The following LTN1 variants were observed in gnomAD, a reference collection of about 807,000 sequenced individuals.
LTN1 encodes the protein E3 ubiquitin-protein ligase listerin.
Under a neutral mutation model 201.2 loss-of-function variants are expected in LTN1, and 88 were observed. The ratio of observed to expected loss-of-function variants is 0.44; its 90% CI spans 0.37 to 0.52. LTN1 has a LOEUF of 0.52. Ranked by LOEUF, LTN1 falls within the 20% of genes least tolerant of loss-of-function variation. LTN1 has a pLI of 0.00. For synonymous variants in LTN1, 645 were observed against 713.5 expected (o/e 0.90, Z 1.53); for missense variants, 1,752 against 2,038.7 (o/e 0.86, Z 2.71).
intron 3 of LTN1, among the ~76,000 whole-genome samples, chr21:28,985,368 G>T (rs1397536282): frequency 2.0e-5 from 3 of 151,802 alleles, no homozygotes. Flanking sequence ...GGCTAAGGCA[G>T]GAGAATCACT....
intron 5 of LTN1, 73 bp downstream of exon 5, chr21:28,982,243 C>A: frequency 7.7e-7 from 1 of 1,294,900 alleles, no homozygotes. Flanking sequence ...CAAAAAGTCA[C>A]ATTGAAATCA....
At chr21:28,973,165 T>G (rs892966530) in intron 6 of LTN1, among the ~76,000 whole-genome samples, 1 of 151,636 alleles carries the variant, frequency 6.6e-6, no homozygotes, top group Non-Finnish European at 1.5e-5. Flanking sequence ...GTGGCCAACA[T>G]AGCAAAACCC....
chr21:28,943,732 T>C lies in LTN1; in HGVS notation c.4155A>G (p.Thr1385=), dbSNP rs559308402. 77 of 1,613,882 alleles carry C rather than the reference T, an allele frequency of 4.8e-5. 1 individual carries two copies. In the South Asian group the frequency reaches 6.5e-4, roughly 14 times the overall value. Residue 1385 remains threonine, a synonymous_variant, in exon 23 of 30, where the codon ACA becomes ACG. Transcript: ENST00000361371. ...LPEYLQTLLN[T]LAPLLLFRAR... is the part of the protein sequence containing the mutation. ...CTCTGAAGAGGAGTAATGGGGCCAA[T>C]GTATTTAACAAAGTCTGGAGATATT...
At chr21:28,944,321 T>C in intron 22 of LTN1, 62 bp downstream of exon 22, 2 of 1,377,608 alleles carry the variant, frequency 1.5e-6, no homozygotes, top group Non-Finnish European at 1.0e-6. Flanking sequence ...TTTTTGCTTT[T>C]GAATTTTTCA....
At chr21:28,957,013 T>A in intron 15 of LTN1, 65 bp from the exon 16 acceptor site, 1 of 1,017,794 alleles carries the variant, frequency 9.8e-7, no homozygotes. Flanking sequence ...TGAACAAAAA[T>A]GAAGTTGTGA....
intron 11 of LTN1, chr21:28,961,598 T>C (rs1010792725): frequency 1.3e-5 from 2 of 155,306 alleles, no homozygotes; most frequent in Non-Finnish European, 2.9e-5. Context: ...TCCTTTTATT[T>C]AAAAATTGTA....
intron 16 of LTN1, among the ~76,000 whole-genome samples, chr21:28,955,136 T>C (rs2084414090): frequency 6.6e-6 from 1 of 151,832 alleles, no homozygotes; most frequent in South Asian, 2.1e-4. Context: ...ATCAGGGAAA[T>C]GCAAATCAAA....
rs1601201152 is a variant in LTN1, at chr21:28,970,676, C to A, written c.1051G>T (p.Gly351Cys). Residue 351 changes from glycine to cysteine, a missense_variant, in exon 8 of 30, where the codon GGT (glycine) becomes TGT (cysteine). Gly to Cys is a radical substitution (Grantham distance 159). This residue lies in a region of LTN1 where 1,211 missense variants were observed against 1,312.8 expected (regional missense o/e 0.92). Transcript: ENST00000361371. Reference sequence around the variant, plus strand: ...ATGACAGTAGCTAGACCCCGACCACCTTCACGAATCACAGTTGATAGCTTG... The same window carrying A: ...ATGACAGTAGCTAGACCCCGACCACATTCACGAATCACAGTTGATAGCTTG... ...FPKLSTVIREGGRGLATVIYP... is the reference protein window; with the variant it reads ...FPKLSTVIRECGRGLATVIYP... 6.2e-7 allele frequency: 1 copy of A among 1,614,026 alleles called. No individual in the cohort carries two copies. The highest frequency in any genetic ancestry group is 1.7e-4 in the Middle Eastern group (1 of 6,060).
intron 14 of LTN1, 131 bp from the exon 15 acceptor site, chr21:28,957,607 G>A (rs774375982): frequency 1.2e-5 from 6 of 503,772 alleles, no homozygotes; most frequent in Non-Finnish European, 1.3e-5. Flanking sequence ...AGAGGTAAGT[G>A]ACATTCCCCC....
intron 4 of LTN1, among the ~76,000 whole-genome samples, chr21:28,984,244 T>C (rs2084679951): frequency 6.6e-6 from 1 of 152,044 alleles, no homozygotes; most frequent in South Asian, 2.1e-4. Flanking sequence ...AAAATCCAAA[T>C]GTATATTAAT....
intron 11 of LTN1, among the ~76,000 whole-genome samples, chr21:28,962,450 A>C (rs1015215107): frequency 6.6e-6 from 1 of 152,182 alleles, no homozygotes; most frequent in Non-Finnish European, 1.5e-5. Context: ...GCAATCAGTG[A>C]CTTTTGATGT....
At position 28,958,408 on chromosome 21, in the gene LTN1, C is replaced by T. The variant is rs1205942848; in HGVS notation, c.2725G>A (p.Ala909Thr). ...TACCTGTTGATATCCAAAGATGAAG[C>T]CTGAACTTGGTTCTTCAGCCACAGA... ...SALWLKNQVQ[A>T]SSLDINSLQV... is the part of the protein sequence containing the mutation. Residue 909 changes from alanine (A) to threonine (T), a missense_variant, in exon 14 of 30, where the codon GCT becomes ACT. Transcript: ENST00000361371. The T allele has an allele frequency of 1.6e-5, 25 of 1,604,896 alleles. No homozygotes were observed. Among genetic ancestry groups the T allele is most frequent in the Non-Finnish European group, 2.0e-5 (24 of 1,177,382 alleles).
intron 18 of LTN1, among the ~76,000 whole-genome samples, chr21:28,949,816 GAGA>G (rs56692452): frequency 0.025 from 3,739 of 152,122 alleles, 157 homozygotes; most frequent in African/African-American, 0.085. Flanking sequence ...AAATGTAAAG[GAGA>G]AGGTCTCAGT....
chr21:28,930,862 G>A (rs1034398536), intron 29 of LTN1, among the ~76,000 whole-genome samples: 1 of 152,144 alleles, frequency 6.6e-6, no homozygotes, highest in East Asian at 1.9e-4. Context: ...CTCCTTCATG[G>A]TCTAGATCTC....
rs370455639 is a variant in LTN1, at chr21:28,956,968, T to C, written c.2893-20A>G. ...TAACCACTGTGAAAAGAATACGTTA[T>C]ATACAAAATTATTTATTACCTAAGC... On this transcript the variant is annotated intron_variant, in intron 15 of 29. Coordinates refer to ENST00000361371, the MANE Select transcript of LTN1 (RefSeq NM_015565.3). 2.1e-5 allele frequency: 30 copies of C among 1,431,646 alleles called. No homozygotes were observed. In the African/African-American group the frequency reaches 3.4e-4, roughly 16 times the overall value. 88.7% of individuals were successfully genotyped at this position (1,431,646 alleles called of 1,614,324 possible). A position where few individuals can be genotyped will look rare whatever the true frequency, so the allele number is the denominator to read the frequency against.
chr21:28,960,255 T>A (rs1407479793), intron 12 of LTN1, among the ~76,000 whole-genome samples: 3 of 151,214 alleles, frequency 2.0e-5, no homozygotes, highest in Non-Finnish European at 2.9e-5. Flanking sequence ...TAGTCCCAAC[T>A]ACTTGGGAAG....
chr21:28,943,609 G>T, intron 23 of LTN1, 58 bp downstream of exon 23: 2 of 1,253,334 alleles, frequency 1.6e-6, no homozygotes, highest in Non-Finnish European at 1.2e-6. Flanking sequence ...TAAAAACTAA[G>T]CATATATTCT....
intron 29 of LTN1, among the ~76,000 whole-genome samples, 188 bp from the exon 30 acceptor site, chr21:28,930,698 C>T (rs778985771): frequency 6.6e-6 from 1 of 152,216 alleles, no homozygotes; most frequent in Non-Finnish European, 1.5e-5. Flanking sequence ...GATGGCTACA[C>T]TAAGTTCTTC....
intron 27 of LTN1, among the ~76,000 whole-genome samples, chr21:28,934,854 A>C (rs1032587627): frequency 3.9e-5 from 6 of 152,218 alleles, no homozygotes; most frequent in Non-Finnish European, 7.3e-5. Context: ...CCACTGTTTC[A>C]ATCCACGCAT....
Sources: allele counts gnomAD v4.1 joint callset (sites outside exome capture counted in the v4.1 genomes callset), GRCh38; gene constraint gnomAD v4.1.1; regional missense constraint gnomAD v4.1.1; transcripts MANE v1.5; gene names NCBI Gene and HGNC (gene_info 2026-07-23, HGNC 2026-07-21).